Variants in RADIL observed in about 807,000 individuals in gnomAD.
RADIL encodes the protein Rap associating with DIL domain, also known as ras-associating and dilute domain-containing protein.
A neutral mutation model predicts 97.6 loss-of-function variants in RADIL; 99 were observed. The ratio of observed to expected loss-of-function variants is 1.01; its 90% CI spans 0.86 to 1.20. RADIL has a LOEUF of 1.20. RADIL is among the 50% of genes most tolerant of loss of function. The pLI is 0.00. For missense variants in RADIL, 1,765 were observed against 1,498.9 expected (o/e 1.18, Z -2.93); for synonymous variants, 803 against 691.8 (o/e 1.16, Z -2.52).
At chr7:4,853,657 G>A (rs909872867) in intron 2 of RADIL, among the ~76,000 whole-genome samples, 14 of 149,078 alleles carry the variant, frequency 9.4e-5, no homozygotes, top group Non-Finnish European at 1.6e-4. Context: ...CAGGAGAATC[G>A]CTTGAACCTG....
chr7:4,869,980 A>T (rs1784216286), intron 2 of RADIL, among the ~76,000 whole-genome samples: 1 of 152,194 alleles, frequency 6.6e-6, no homozygotes, highest in African/African-American at 2.4e-5. Context: ...AAAAAAATAA[A>T]ATAAAGAAAT....
chr7:4,836,710 G>A, intron 2 of RADIL, 105 bp from the exon 3 acceptor site: 1 of 1,475,842 alleles, frequency 6.8e-7, no homozygotes, highest in Non-Finnish European at 9.2e-7. Flanking sequence ...GGCCGAGGTG[G>A]GGGGATCGCC....
rs1783406271 is a variant in RADIL, at chr7:4,840,205, C to T, written c.536-3600G>A. On this transcript the variant is annotated intron_variant, in intron 2 of 14. Transcript: ENST00000399583. This position sits in a 1 kb window ranked among gnomAD's most constrained non-coding sequence, Gnocchi z 5.6. ...GGCTGTCAGGCTTGTTGGGGGCCGACATGGCCTCCCAAGTTCCCATAGAGA... is the reference window on the plus strand; with the variant it reads ...GGCTGTCAGGCTTGTTGGGGGCCGATATGGCCTCCCAAGTTCCCATAGAGA... 6.6e-6 allele frequency among the ~76,000 whole-genome samples: 1 copy of T among 152,148 alleles called. No individual in the cohort carries two copies. Among genetic ancestry groups the T allele is most frequent in the African/African-American group, 2.4e-5 (1 of 41,428 alleles).
At chr7:4,847,819 G>C (rs1198648780) in intron 2 of RADIL, among the ~76,000 whole-genome samples, 1 of 140,228 alleles carries the variant, frequency 7.1e-6, no homozygotes, top group Non-Finnish European at 1.5e-5. Flanking sequence ...CAAATGTATA[G>C]AGCCAGAAAA....
chr7:4,812,291 T>C (rs562956388), intron 9 of RADIL, among the ~76,000 whole-genome samples: 2 of 152,220 alleles, frequency 1.3e-5, no homozygotes, highest in African/African-American at 4.8e-5. Context: ...ATTGTCAAAT[T>C]TATCAGCAAA....
At chr7:4,858,640 A>G (rs1227185063) in intron 2 of RADIL, 1 of 152,632 alleles carries the variant, frequency 6.6e-6, no homozygotes, top group South Asian at 2.1e-4. Context: ...ATAAGGAGGT[A>G]TTCTGTGGAA....
intron 5 of RADIL, among the ~76,000 whole-genome samples, chr7:4,828,457 C>CA (rs997154063): frequency 6.6e-6 from 1 of 151,338 alleles, no homozygotes; most frequent in African/African-American, 2.4e-5. Flanking sequence ...GACCCTGTCT[C>CA]AAAAAAAAGA....
chr7:4,830,410 T>A (rs890122902), intron 5 of RADIL, among the ~76,000 whole-genome samples: 1 of 152,152 alleles, frequency 6.6e-6, no homozygotes, highest in Non-Finnish European at 1.5e-5. Flanking sequence ...CCCAGCAGCG[T>A]CTAGGGTAGA....
In RADIL at chr7:4,801,932, C is replaced by A. The variant is rs779263897; in HGVS notation, c.2563G>T (p.Asp855Tyr). The stretch of plus-strand genomic sequence containing the variant: ...ACTTCCCGGGCTGCTGGGCCAGGGT[C>A]CCTGGGAGCCAGGGGGCAGCTCGGG... ...EAPSCPLAPR[D>Y]PGPAAREVAP... is the part of the protein sequence containing the mutation. Residue 855 changes from aspartate to tyrosine, a missense_variant, in exon 12 of 15, where the codon GAC becomes TAC. Physicochemically the swap from Asp to Tyr is radical, Grantham distance 160 (BLOSUM62 -3). Transcript: ENST00000399583. 1 of 1,567,010 alleles carries A rather than the reference C, an allele frequency of 6.4e-7. No individual in the cohort carries two copies. Among genetic ancestry groups the A allele is most frequent in the Non-Finnish European group, 8.6e-7 (1 of 1,158,558 alleles).
chr7:4,800,582 T>C lies in RADIL; in HGVS notation c.2843-272A>G, dbSNP rs575688990. Among the ~76,000 whole-genome samples, 109 of 152,088 alleles carry C rather than the reference T, an allele frequency of 7.2e-4. 1 individual carries two copies. Among genetic ancestry groups the C allele is most frequent in the Admixed American group, 3.7e-3 (57 of 15,300 alleles). ...CACTCGCCCCTCTGGGGGCGGCTGT[T>C]TTCCAGCTCCAGGGACCCACGCGGT... On this transcript the variant is annotated intron_variant, in intron 12 of 14. Coordinates refer to ENST00000399583, the MANE Select transcript of RADIL (RefSeq NM_018059.5).
In RADIL at chr7:4,801,999, G is replaced by A. The variant is rs778290569; in HGVS notation, c.2500-4C>T. ...CAAGGACCACGTGGTGCATACCCTA[G>A]GGAGAGGAAGGGTGACAGCTCAGGT... On this transcript the variant is annotated splice_region_variant and splice_polypyrimidine_tract_variant and intron_variant, in intron 11 of 14. Coordinates refer to ENST00000399583, the MANE Select transcript of RADIL (RefSeq NM_018059.5). 1 of 1,497,022 alleles carries A rather than the reference G, an allele frequency of 6.7e-7. No homozygotes were observed. Among genetic ancestry groups the A allele is most frequent in the South Asian group, 1.4e-5 (1 of 73,052 alleles). 92.7% of individuals were successfully genotyped at this position (1,497,022 alleles called of 1,614,324 possible).
intron 5 of RADIL, 64 bp downstream of exon 5, chr7:4,832,077 C>A (rs190035371): frequency 1.9e-6 from 3 of 1,571,344 alleles, no homozygotes; most frequent in East Asian, 2.3e-5. Context: ...TTGGCTCCCC[C>A]GGGAAGTGTG....
intron 2 of RADIL, among the ~76,000 whole-genome samples, chr7:4,871,849 G>A (rs1784262754): frequency 6.6e-6 from 1 of 152,226 alleles, no homozygotes. Context: ...CAAAAGCCCA[G>A]TGAGTGCTGG....
At chr7:4,881,830 G>A (rs1784494501) in intron 1 of RADIL, among the ~76,000 whole-genome samples, 3 of 152,074 alleles carry the variant, frequency 2.0e-5, no homozygotes, top group Non-Finnish European at 4.4e-5. Context: ...TGTAAGGTCT[G>A]ACATTTACAT....
At chr7:4,801,541 G>A in intron 12 of RADIL, 112 bp downstream of exon 12, 1 of 1,176,948 alleles carries the variant, frequency 8.5e-7, no homozygotes, top group Non-Finnish European at 1.2e-6. Context: ...GTGTCTGTGG[G>A]GCAGGTAAGG....
chr7:4,833,718 G>C (rs891187168), intron 4 of RADIL, among the ~76,000 whole-genome samples: 1 of 152,202 alleles, frequency 6.6e-6, no homozygotes, highest in Non-Finnish European at 1.5e-5. Flanking sequence ...GAGGATCTGA[G>C]GGTCTCTGAA....
In RADIL at chr7:4,873,416, C is replaced by T. The variant is rs1005181951; in HGVS notation, c.535+4189G>A. On this transcript the variant is annotated intron_variant, in intron 2 of 14. Transcript: ENST00000399583. This position sits in a 1 kb window ranked among gnomAD's most constrained non-coding sequence, Gnocchi z 4.3. ...CACATCACATCACCACATGCACAGG[C>T]CAGGGGTCCCTTCCCTTTCTCGCCA... 2.6e-4 allele frequency among the ~76,000 whole-genome samples: 39 copies of T among 152,180 alleles called. No individual in the cohort carries two copies. Among genetic ancestry groups the T allele is most frequent in the Admixed American group, 4.6e-4 (7 of 15,282 alleles).
At chr7:4,820,707 G>C (rs1782807534) in intron 6 of RADIL, among the ~76,000 whole-genome samples, 1 of 152,170 alleles carries the variant, frequency 6.6e-6, no homozygotes, top group Admixed American at 6.5e-5. Context: ...CAGGAGCGGG[G>C]GCCCCACCCC....
chr7:4,817,573 G>C lies in RADIL; in HGVS notation c.1616-222C>G, dbSNP rs1782711151. Among the ~76,000 whole-genome samples the C allele has an allele frequency of 6.6e-6, 1 of 152,152 alleles. No homozygotes were observed. Among genetic ancestry groups the C allele is most frequent in the Non-Finnish European group, 1.5e-5 (1 of 68,026 alleles). On this transcript the variant is annotated intron_variant, in intron 6 of 14. Coordinates refer to ENST00000399583, the MANE Select transcript of RADIL (RefSeq NM_018059.5). This position sits in a 1 kb window ranked among gnomAD's most constrained non-coding sequence, Gnocchi z 8.3. ...GGGGAGGGGAATGCCGGGAGGGGCA[G>C]GAGGGGTCCAGACACCCAACATCTC...
Sources: gnomAD v4.1 joint callset for allele counts (sites outside exome capture counted in the v4.1 genomes callset) on GRCh38, gnomAD v4.1.1 for gene constraint, Gnocchi (gnomAD v3.1) non-coding constraint, MANE v1.5 for transcripts, NCBI Gene and HGNC (gene_info 2026-07-23, HGNC 2026-07-21) for gene names.